The following CPQ variants were observed in gnomAD, a reference collection of about 807,000 sequenced individuals.
The protein encoded by CPQ is Ser-Met dipeptidase.
CPQ carries 37 observed loss-of-function variants against 45.7 expected under a neutral mutation model. The ratio of observed to expected loss-of-function variants is 0.81; its 90% CI spans 0.62 to 1.07. CPQ has a LOEUF of 1.07. Among genes scored for constraint, CPQ ranks in the 50% least tolerant of loss-of-function variants. The pLI, the probability that CPQ is intolerant of heterozygous loss-of-function variation, is 0.00. For synonymous variants in CPQ, 186 were observed against 205.8 expected, an observed-to-expected ratio of 0.90 and a Z score of 0.82; for missense variants, 537 against 572.9, an observed-to-expected ratio of 0.94 and a Z score of 0.64.
At chr8:97,142,727 A>T (rs1812188474) in intron 7 of CPQ, among the ~76,000 whole-genome samples, 1 of 152,202 alleles carries the variant, frequency 6.6e-6, no homozygotes, top group Non-Finnish European at 1.5e-5. Context: ...TTTTTGCCCC[A>T]TGCAGCTCCA....
intron 1 of CPQ, among the ~76,000 whole-genome samples, chr8:96,667,874 A>C (rs1808946904): frequency 6.6e-6 from 1 of 152,032 alleles, no homozygotes; most frequent in African/African-American, 2.4e-5. Flanking sequence ...CTTACACTTC[A>C]ATTTCACTAC....
intron 2 of CPQ, among the ~76,000 whole-genome samples, chr8:96,830,827 G>A (rs761726652): frequency 1.3e-5 from 2 of 151,962 alleles, no homozygotes; most frequent in Non-Finnish European, 2.9e-5. Flanking sequence ...ATACCTATTT[G>A]TTTTCCTTCC....
chr8:96,911,385 G>A (rs1470375758), intron 4 of CPQ, among the ~76,000 whole-genome samples: 1 of 152,140 alleles, frequency 6.6e-6, no homozygotes, highest in African/African-American at 2.4e-5. Flanking sequence ...TCACCCAGGG[G>A]TCTGAGAGCA....
intron 6 of CPQ, among the ~76,000 whole-genome samples, chr8:97,054,097 G>A (rs1366553205): frequency 6.6e-6 from 1 of 151,898 alleles, no homozygotes; most frequent in Admixed American, 6.6e-5. Flanking sequence ...AGGCAGTTTG[G>A]TAAAAAGTAT....
intron 4 of CPQ, among the ~76,000 whole-genome samples, chr8:96,946,985 C>T (rs1382459702): frequency 6.6e-6 from 1 of 152,140 alleles, no homozygotes; most frequent in Non-Finnish European, 1.5e-5. Context: ...TTAACTTGTA[C>T]ATCTACTGTC....
intron 1 of CPQ, among the ~76,000 whole-genome samples, chr8:96,709,181 G>A (rs956673113): frequency 2.0e-5 from 3 of 151,970 alleles, no homozygotes; most frequent in African/African-American, 7.2e-5. Context: ...TAAAGCCTAC[G>A]ATTCTAGTGT....
intron 7 of CPQ, among the ~76,000 whole-genome samples, chr8:97,114,780 G>A (rs1261836105): frequency 6.6e-6 from 1 of 152,138 alleles, no homozygotes; most frequent in African/African-American, 2.4e-5. Context: ...ATCTGTGCAG[G>A]CATTTTCCTT....
intron 1 of CPQ, among the ~76,000 whole-genome samples, chr8:96,689,204 G>C (rs1005427906): frequency 2.0e-5 from 3 of 152,106 alleles, no homozygotes; most frequent in Admixed American, 2.0e-4. Flanking sequence ...TGTGGAGCTG[G>C]GGAGAACCTC....
chr8:96,926,382 C>T (rs1040053060), intron 4 of CPQ, among the ~76,000 whole-genome samples: 27 of 152,150 alleles, frequency 1.8e-4, no homozygotes, highest in African/African-American at 6.0e-4. Flanking sequence ...GTGAGGGAAT[C>T]TTTCTAACAA....
intron 3 of CPQ, among the ~76,000 whole-genome samples, chr8:96,851,988 C>G (rs1268298085): frequency 6.6e-6 from 1 of 152,252 alleles, no homozygotes; most frequent in Non-Finnish European, 1.5e-5. Flanking sequence ...AGGCAAAAGG[C>G]ACAGGCAGTA....
At chr8:97,035,202 T>C (rs1345541565) in intron 6 of CPQ, among the ~76,000 whole-genome samples, 1 of 152,184 alleles carries the variant, frequency 6.6e-6, no homozygotes, top group Admixed American at 6.5e-5. Context: ...TCCCTTTCTA[T>C]TACTGGGTAG....
chr8:97,005,514 C>A (rs1221171581), intron 5 of CPQ, among the ~76,000 whole-genome samples: 1 of 151,842 alleles, frequency 6.6e-6, no homozygotes, highest in Non-Finnish European at 1.5e-5. Context: ...CTACCCAGGA[C>A]AACATAGGGA....
At chr8:96,696,688 T>C (rs1326937095) in intron 1 of CPQ, among the ~76,000 whole-genome samples, 6 of 151,506 alleles carry the variant, frequency 4.0e-5, no homozygotes, top group African/African-American at 1.5e-4. Context: ...AAGGAGACAT[T>C]ACAACCAATA....
At chr8:97,023,041 A>AGTATATATACT (rs1187317905) in intron 5 of CPQ, among the ~76,000 whole-genome samples, 8 of 139,746 alleles carry the variant, frequency 5.7e-5, no homozygotes, top group African/African-American at 2.2e-4. Flanking sequence ...GTATATATAC[A>AGTATATATACT]GTATATATAC....
intron 1 of CPQ, among the ~76,000 whole-genome samples, chr8:96,777,723 A>AACATATATATATATATATATATAT (rs1810624594): frequency 2.6e-5 from 1 of 37,846 alleles, no homozygotes; most frequent in African/African-American, 1.2e-4. Flanking sequence ...TGTCTTAGAA[A>AACATATATATATATATATATATAT]ATATATATAT....
chr8:96,809,178 C>T (rs1811126394), intron 2 of CPQ, among the ~76,000 whole-genome samples: 1 of 151,638 alleles, frequency 6.6e-6, no homozygotes, highest in South Asian at 2.1e-4. Flanking sequence ...ATATATTGAA[C>T]TATATATATA....
chr8:97,033,789 C>T (rs2130476377), intron 6 of CPQ, among the ~76,000 whole-genome samples: 1 of 151,984 alleles, frequency 6.6e-6, no homozygotes, highest in African/African-American at 2.4e-5. Flanking sequence ...TTTTCAACAG[C>T]GAAAGTTCTA....
chr8:96,757,159 C>T (rs1264246525), intron 1 of CPQ, among the ~76,000 whole-genome samples: 1 of 151,924 alleles, frequency 6.6e-6, no homozygotes, highest in Non-Finnish European at 1.5e-5. Context: ...ACCAGACTGG[C>T]CACCATGGTG....
rs1563586738 is a variant in CPQ at position 97,122,918 on chromosome 8, A to AAAAT, written c.1256-20098_1256-20095dup. Reference sequence around the variant, plus strand: ...AAAATAAAATAAAATAAAATAAAATAAAATAAAATAAATAAAATAAAATAA... The same window carrying AAAAT: ...AAAATAAAATAAAATAAAATAAAATAAAATAAATAAAATAAATAAAATAAAATAA... On this transcript the variant is annotated intron_variant, in intron 7 of 7. Coordinates refer to ENST00000220763, the MANE Select transcript of CPQ (RefSeq NM_016134.4). Among the ~76,000 whole-genome samples the AAAAT allele has an allele frequency of 8.8e-4, 57 of 64,746 alleles. 1 individual carries two copies. Among genetic ancestry groups the AAAAT allele is most frequent in the African/African-American group, 4.9e-3 (47 of 9,600 alleles). 42.5% of individuals were successfully genotyped at this position (64,746 alleles called of 152,430 possible).
Sources: gnomAD v4.1 joint callset for allele counts (sites outside exome capture counted in the v4.1 genomes callset) on GRCh38, gnomAD v4.1.1 for gene constraint, MANE v1.5 for transcripts, NCBI Gene and HGNC (gene_info 2026-07-23, HGNC 2026-07-21) for gene names.